The following MYO3B variants were observed in gnomAD, a reference collection of about 807,000 sequenced individuals.
The protein encoded by MYO3B is myosin-IIIb.
Under a neutral mutation model 174.6 loss-of-function variants are expected in MYO3B, and 156 were observed. The observed-to-expected ratio is 0.89, with a 90% CI of 0.78 to 1.02. MYO3B has a LOEUF of 1.02. Ranked by LOEUF, MYO3B falls within the 50% of genes least tolerant of loss-of-function variation. MYO3B has a pLI of 0.00. For missense variants in MYO3B, 1,632 were observed against 1,639.4 expected, an observed-to-expected ratio of 1.00 and a Z score of 0.08; for synonymous variants, 563 against 569.1, an observed-to-expected ratio of 0.99 and a Z score of 0.15.
chr2:170,313,381 A>T (rs572079950), intron 7 of MYO3B, among the ~76,000 whole-genome samples: 6 of 152,220 alleles, frequency 3.9e-5, no homozygotes, highest in East Asian at 3.8e-4. Context: ...CATACTAAAA[A>T]AAATAAATAA....
chr2:170,343,660 C>T (rs1309370597), intron 8 of MYO3B: 2 of 152,262 alleles, frequency 1.3e-5, no homozygotes, highest in African/African-American at 4.8e-5. Flanking sequence ...ACAGGTACTA[C>T]AGAGAGAGAA....
At chr2:170,497,263 TA>T (rs1191354921) in intron 25 of MYO3B, among the ~76,000 whole-genome samples, 1 of 2,616 alleles carries the variant, frequency 3.8e-4, no homozygotes, top group East Asian at 0.25. Flanking sequence ...GGTAATAAAC[TA>T]TTTTTTCGAT....
chr2:170,204,074 C>T (rs1486616513), intron 3 of MYO3B, among the ~76,000 whole-genome samples: 1 of 152,168 alleles, frequency 6.6e-6, no homozygotes. Flanking sequence ...CATCTCTCCA[C>T]TCTGATAGAA....
chr2:170,290,227 C>G (rs1441744825), intron 7 of MYO3B, among the ~76,000 whole-genome samples: 1 of 151,926 alleles, frequency 6.6e-6, no homozygotes, highest in Non-Finnish European at 1.5e-5. Flanking sequence ...TCTACTTTTT[C>G]TTTGTTGATT....
At chr2:170,533,354 C>T (rs1184859256) in intron 30 of MYO3B, among the ~76,000 whole-genome samples, 1 of 151,008 alleles carries the variant, frequency 6.6e-6, no homozygotes, top group African/African-American at 2.4e-5. Context: ...CTTACTTCTC[C>T]TTCCCTGGAC....
chr2:170,363,125 A>C (rs1012725763), intron 8 of MYO3B, among the ~76,000 whole-genome samples: 1 of 152,110 alleles, frequency 6.6e-6, no homozygotes, highest in Non-Finnish European at 1.5e-5. Context: ...AAATGTTTAG[A>C]TCTTCTGTAG....
chr2:170,298,812 T>G (rs997153513), intron 7 of MYO3B, among the ~76,000 whole-genome samples: 4 of 152,126 alleles, frequency 2.6e-5, no homozygotes, highest in Non-Finnish European at 5.9e-5. Context: ...TATAATGATG[T>G]TTTGGTTAAT....
At chr2:170,222,278 G>A (rs368714595) in intron 6 of MYO3B, among the ~76,000 whole-genome samples, 46 of 152,284 alleles carry the variant, frequency 3.0e-4, no homozygotes, top group Admixed American at 1.3e-3. Flanking sequence ...ACCAAACAGC[G>A]AGAAGTTAAA....
chr2:170,466,791 C>G (rs952841088), intron 25 of MYO3B, 80 bp downstream of exon 25: 2 of 1,405,752 alleles, frequency 1.4e-6, no homozygotes, highest in Admixed American at 3.8e-5. Flanking sequence ...GATTGTTCCT[C>G]CTGCGTGCTC....
chr2:170,261,046 G>A (rs1376179889), intron 7 of MYO3B, among the ~76,000 whole-genome samples: 5 of 151,934 alleles, frequency 3.3e-5, no homozygotes, highest in East Asian at 1.9e-4. Context: ...GTTTTGAGAC[G>A]GAGTTTCACC....
Position 170,308,841 on chromosome 2 carries a change from A to C in MYO3B, c.750-26544A>C, listed in dbSNP as rs1218954987. Among the ~76,000 whole-genome samples, 5 of 152,256 alleles carry C rather than the reference A, an allele frequency of 3.3e-5. No individual in the cohort carries two copies. In the East Asian group the frequency reaches 9.7e-4, roughly 29 times the overall value. ...ATGGAAAAATGCCTGTTCCTTTAGA[A>C]GGGGGGACACAAATTCAAATGTAGT... On this transcript the variant is annotated intron_variant, in intron 7 of 34. Transcript: ENST00000408978.
intron 3 of MYO3B, among the ~76,000 whole-genome samples, chr2:170,210,642 G>A (rs1279380537): frequency 1.3e-5 from 2 of 152,126 alleles, no homozygotes; most frequent in African/African-American, 4.8e-5. Context: ...AACCAAAAAG[G>A]CAGTTTATAA....
At position 170,369,298 on chromosome 2, in the gene MYO3B, G is replaced by A. The variant is rs267599005; in HGVS notation, c.892G>A (p.Gly298Arg). 6.2e-7 allele frequency: 1 copy of A among 1,613,784 alleles called. No individual in the cohort carries two copies. Among genetic ancestry groups the A allele is most frequent in the Non-Finnish European group, 8.5e-7 (1 of 1,179,818 alleles). ...LDHPFIKGVH[G>R]KVLFLQKQLA... ...CCACCCATTTATTAAAGGAGTACAT[G>A]GAAAAGTTCTGTTTCTGCAAAAACA... The change falls in exon 9 of 35, where the codon GGA becomes AGA. Residue 298 changes from glycine to arginine, a missense_variant. Coordinates refer to ENST00000408978, the MANE Select transcript of MYO3B (RefSeq NM_138995.5).
chr2:170,449,967 A>G (rs940873973), intron 23 of MYO3B, among the ~76,000 whole-genome samples: 23 of 152,206 alleles, frequency 1.5e-4, no homozygotes, highest in African/African-American at 5.3e-4. Flanking sequence ...ATATCTGATT[A>G]TAAACTGCCT....
intron 25 of MYO3B, among the ~76,000 whole-genome samples, chr2:170,470,249 C>T (rs1306128628): frequency 2.6e-5 from 4 of 151,872 alleles, no homozygotes; most frequent in Non-Finnish European, 4.4e-5. Context: ...ATTAGCCATT[C>T]TCCCTTTTCT....
chr2:170,611,779 G>C (rs1344470926), intron 32 of MYO3B, among the ~76,000 whole-genome samples: 2 of 152,138 alleles, frequency 1.3e-5, no homozygotes, highest in Non-Finnish European at 2.9e-5. Context: ...GAACTTGTCA[G>C]TTTCTCCCTC....
rs549878058 is a variant in MYO3B at position 170,291,065 on chromosome 2, A to G, written c.750-44320A>G. Among the ~76,000 whole-genome samples the G allele has an allele frequency of 2.1e-3, 320 of 152,250 alleles. 2 individuals are homozygous for G. Among genetic ancestry groups the G allele is most frequent in the African/African-American group, 7.5e-3 (310 of 41,560 alleles). ...GGAGTTCGAGACCAGCCTGGCCAACATGGTGAAACCCCGTCTCTACTAAAA... is the reference window on the plus strand; with the variant it reads ...GGAGTTCGAGACCAGCCTGGCCAACGTGGTGAAACCCCGTCTCTACTAAAA... On this transcript the variant is annotated intron_variant, in intron 7 of 34. Transcript: ENST00000408978.
At chr2:170,558,248 C>T (rs1037018620) in intron 32 of MYO3B, among the ~76,000 whole-genome samples, 1 of 151,620 alleles carries the variant, frequency 6.6e-6, no homozygotes, top group Admixed American at 6.6e-5. Context: ...TTGCGGTGAG[C>T]TGAGATCGTA....
At chr2:170,288,238 T>C (rs1365322926) in intron 7 of MYO3B, among the ~76,000 whole-genome samples, 7 of 151,910 alleles carry the variant, frequency 4.6e-5, no homozygotes, top group Non-Finnish European at 8.8e-5. Context: ...TTTTAGGTTT[T>C]TTTTTTTTCT....
Sources: gnomAD v4.1 joint callset for allele counts (sites outside exome capture counted in the v4.1 genomes callset) on GRCh38, gnomAD v4.1.1 for gene constraint, MANE v1.5 for transcripts, NCBI Gene and HGNC (gene_info 2026-07-23, HGNC 2026-07-21) for gene names.